The following RPS6KC1 variants were observed in gnomAD, a reference collection of about 807,000 sequenced individuals.
RPS6KC1 encodes the protein inactive ribosomal protein S6 kinase delta-1.
Under a neutral mutation model 103.8 loss-of-function variants are expected in RPS6KC1, and 54 were observed. The ratio of observed to expected loss-of-function variants is 0.52; its 90% CI spans 0.42 to 0.65. The LOEUF is 0.65. Ranked by LOEUF, RPS6KC1 falls within the 30% of genes least tolerant of loss-of-function variation. The probability of loss-of-function intolerance (pLI) is 0.00; values close to 1 mark genes in which losing one functional copy is unlikely to be tolerated. For synonymous variants in RPS6KC1, 439 were observed against 438.7 expected, an observed-to-expected ratio of 1.00 and a Z score of -0.01; for missense variants, 1,151 against 1,253.8, an observed-to-expected ratio of 0.92 and a Z score of 1.24.
the RPS6KC1 span, among the ~76,000 whole-genome samples, chr1:213,663,829 G>C: frequency 6.6e-6 from 1 of 152,242 alleles, no homozygotes; most frequent in Admixed American, 6.5e-5. Context: ...CCCCACTAAG[G>C]GGTGAGAAAG....
the RPS6KC1 span, among the ~76,000 whole-genome samples, chr1:213,358,061 T>G: frequency 1.3e-5 from 2 of 152,252 alleles, no homozygotes; most frequent in Non-Finnish European, 2.9e-5. Context: ...GATTTTTGCA[T>G]CGATGTTCAT....
At chr1:213,642,990 A>G in the RPS6KC1 span, among the ~76,000 whole-genome samples, 1 of 151,732 alleles carries the variant, frequency 6.6e-6, no homozygotes, top group African/African-American at 2.4e-5. Context: ...ATATATATAT[A>G]GTGCTTAGTT....
At chr1:213,785,506 A>G in the RPS6KC1 span, among the ~76,000 whole-genome samples, 1 of 152,118 alleles carries the variant, frequency 6.6e-6, no homozygotes, top group Admixed American at 6.5e-5. Context: ...TTGAAGATAT[A>G]AAACAATACA....
the RPS6KC1 span, among the ~76,000 whole-genome samples, chr1:213,306,420 A>C: frequency 6.6e-6 from 1 of 152,230 alleles, no homozygotes. Flanking sequence ...AGCATTGATA[A>C]ATAGGGAATG....
At chr1:213,250,659 C>T (rs915260126) in intron 12 of RPS6KC1, among the ~76,000 whole-genome samples, 3 of 152,128 alleles carry the variant, frequency 2.0e-5, no homozygotes, top group Non-Finnish European at 2.9e-5. Context: ...AACAGCTTTG[C>T]GCCTTTGAAC....
chr1:213,297,332 A>T, the RPS6KC1 span, among the ~76,000 whole-genome samples: 147,366 of 152,302 alleles, frequency 0.97, 71,504 homozygotes, highest in East Asian at 1. Context: ...TTGCTTATGG[A>T]ATGTGAGAAA....
the RPS6KC1 span, among the ~76,000 whole-genome samples, chr1:213,479,280 GTATC>G: frequency 6.6e-6 from 1 of 152,070 alleles, no homozygotes; most frequent in Non-Finnish European, 1.5e-5. Flanking sequence ...GATTTGCAGA[GTATC>G]TAGCTGCACT....
intron 6 of RPS6KC1, among the ~76,000 whole-genome samples, chr1:213,156,489 C>T (rs538427859): frequency 6.8e-4 from 103 of 152,166 alleles, no homozygotes; most frequent in African/African-American, 2.3e-3. Context: ...CCAAAAAGTC[C>T]GATAAACCCC....
At chr1:213,351,261 A>T in the RPS6KC1 span, among the ~76,000 whole-genome samples, 2 of 152,224 alleles carry the variant, frequency 1.3e-5, no homozygotes, top group African/African-American at 4.8e-5. Context: ...TTAGAAGATG[A>T]AGATTTGTCA....
chr1:213,417,265 C>T, the RPS6KC1 span, among the ~76,000 whole-genome samples: 16 of 152,262 alleles, frequency 1.1e-4, no homozygotes, highest in Non-Finnish European at 1.6e-4. Context: ...CAAAATGGAG[C>T]GTCCCTGATT....
chr1:213,706,936 T>A, the RPS6KC1 span, among the ~76,000 whole-genome samples: 1 of 152,242 alleles, frequency 6.6e-6, no homozygotes, highest in Non-Finnish European at 1.5e-5. Flanking sequence ...ATTTTCTTAA[T>A]ACTGTCTGTC....
the RPS6KC1 span, chr1:213,841,171 C>T: frequency 5.3e-5 from 8 of 152,156 alleles, no homozygotes; most frequent in African/African-American, 1.9e-4. Flanking sequence ...AATTGGTCTA[C>T]TGTGATGGTC....
the RPS6KC1 span, among the ~76,000 whole-genome samples, chr1:213,355,748 C>T: frequency 6.6e-6 from 1 of 152,164 alleles, no homozygotes; most frequent in Admixed American, 6.5e-5. Flanking sequence ...AACTCAGCGG[C>T]AACACCTCAG....
At chr1:213,234,014 C>CTTTT (rs565425301) in intron 10 of RPS6KC1, among the ~76,000 whole-genome samples, 1 of 135,152 alleles carries the variant, frequency 7.4e-6, no homozygotes, top group Admixed American at 7.5e-5. Context: ...CTCTCTCTCT[C>CTTTT]TTTTTTTTTT....
chr1:213,444,206 C>T, the RPS6KC1 span, among the ~76,000 whole-genome samples: 1 of 152,130 alleles, frequency 6.6e-6, no homozygotes, highest in Non-Finnish European at 1.5e-5. Flanking sequence ...CCAAATTTCC[C>T]CTTTTCATAA....
At chr1:213,307,265 G>A in the RPS6KC1 span, among the ~76,000 whole-genome samples, 1 of 151,574 alleles carries the variant, frequency 6.6e-6, no homozygotes, top group Non-Finnish European at 1.5e-5. Context: ...GGGTTTCACC[G>A]TGGTCTCAAT....
intron 6 of RPS6KC1, among the ~76,000 whole-genome samples, chr1:213,135,518 G>GA (rs1397407670): frequency 2.6e-5 from 4 of 151,994 alleles, no homozygotes; most frequent in Non-Finnish European, 5.9e-5. Context: ...TGAATGTCAT[G>GA]AAAATTTTCC....
chr1:213,390,135 A>C, the RPS6KC1 span, among the ~76,000 whole-genome samples: 1 of 152,186 alleles, frequency 6.6e-6, no homozygotes, highest in Non-Finnish European at 1.5e-5. Context: ...GGACCAAATT[A>C]ATAATAAAAA....
At chr1:213,845,272 C>T in the RPS6KC1 span, among the ~76,000 whole-genome samples, 3 of 152,194 alleles carry the variant, frequency 2.0e-5, no homozygotes, top group East Asian at 3.9e-4. Flanking sequence ...CCCCTTCTAC[C>T]CCAAAGTTAT....
Sources: gnomAD v4.1 joint callset for allele counts (sites outside exome capture counted in the v4.1 genomes callset) on GRCh38, gnomAD v4.1.1 for gene constraint, MANE v1.5 for transcripts, NCBI Gene and HGNC (gene_info 2026-07-23, HGNC 2026-07-21) for gene names.